Variants in TAPT1 observed in about 807,000 individuals in gnomAD.
TAPT1 encodes transmembrane anterior posterior transformation 1, also known as transmembrane anterior posterior transformation protein 1 homolog.
In TAPT1, 28 loss-of-function variants were observed where a neutral mutation model predicts 65.6. The ratio of observed to expected loss-of-function variants is 0.43; its 90% CI spans 0.32 to 0.59. The LOEUF (loss-of-function observed/expected upper bound fraction) is 0.59, where lower values mean the gene tolerates loss of function less well. Among genes scored for constraint, TAPT1 ranks in the 20% least tolerant of loss-of-function variants. The probability of loss-of-function intolerance (pLI) is 0.09; values close to 1 mark genes in which losing one functional copy is unlikely to be tolerated. For synonymous variants in TAPT1, 278 were observed against 245.2 expected, an observed-to-expected ratio of 1.13 and a Z score of -1.25; for missense variants, 563 against 679.9, an observed-to-expected ratio of 0.83 and a Z score of 1.91.
At chr4:16,210,274 G>C (rs1578473539) in intron 2 of TAPT1, among the ~76,000 whole-genome samples, 1 of 152,192 alleles carries the variant, frequency 6.6e-6, no homozygotes, top group East Asian at 1.9e-4. Context: ...GGTTAGCAAA[G>C]TCGAATTTAG....
At chr4:16,227,214 G>T (rs1422421829), upstream of TAPT1, 1 of 455,536 alleles carries the variant, frequency 2.2e-6, no homozygotes, top group African/African-American at 2.0e-5. Flanking sequence ...GGCCGGACCG[G>T]CAGAGTTTCA....
Position 16,179,639 on chromosome 4 carries a change from G to A in TAPT1, c.935C>T (p.Thr312Ile), listed in dbSNP as rs1167681390. Residue 312 changes from threonine to isoleucine, a missense_variant, in exon 8 of 14, where the codon ACA (threonine) becomes ATA (isoleucine). Physicochemically the swap from Thr to Ile is moderately conservative, Grantham distance 89. Coordinates refer to ENST00000405303, the MANE Select transcript of TAPT1 (RefSeq NM_153365.3). Reference protein sequence around the residue: ...MSNSDIKERFTNYVLLLIVCL... With the variant: ...MSNSDIKERFINYVLLLIVCL... ...CACTATCAGTAAAAGCACATAATTT[G>A]TGAATCGTTCCTTAATATCTAAAAG... 1 of 1,536,446 alleles carries A rather than the reference G, an allele frequency of 6.5e-7. No individual in the cohort carries two copies. Among genetic ancestry groups the A allele is most frequent in the East Asian group, 2.5e-5 (1 of 40,496 alleles).
chr4:16,191,780 G>A (rs1327947406), intron 3 of TAPT1, among the ~76,000 whole-genome samples: 1 of 152,026 alleles, frequency 6.6e-6, no homozygotes, highest in African/African-American at 2.4e-5. Context: ...GAACACAGAG[G>A]GCAGGTATCT....
At chr4:16,166,993 T>C (rs968586675) in intron 12 of TAPT1, 200 bp from the exon 13 acceptor site, 33 of 195,750 alleles carry the variant, frequency 1.7e-4, no homozygotes, top group South Asian at 5.5e-4. Flanking sequence ...TTAGTTCTCT[T>C]TTTTTTTTTT....
chr4:16,200,178 C>T (rs556888931), intron 3 of TAPT1, among the ~76,000 whole-genome samples: 1 of 152,196 alleles, frequency 6.6e-6, no homozygotes, highest in Non-Finnish European at 1.5e-5. Context: ...ATTGTGCCAA[C>T]AGCCACTAAG....
intron 9 of TAPT1, 176 bp from the exon 10 acceptor site, chr4:16,174,905 C>T: frequency 2.0e-6 from 1 of 496,070 alleles, no homozygotes; most frequent in Non-Finnish European, 3.6e-6. Context: ...TAAAATGTAA[C>T]CTCAATTCCA....
chr4:16,186,807 A>G lies in TAPT1; in HGVS notation c.820T>C (p.Leu274=). 6.2e-7 allele frequency: 1 copy of G among 1,609,918 alleles called. No homozygotes were observed. The highest frequency in any genetic ancestry group is 8.5e-7 in the Non-Finnish European group (1 of 1,176,606). Residue 274 remains leucine (L), a synonymous_variant, in exon 6 of 14, where the codon TTG becomes CTG. Transcript: ENST00000405303. The part of the protein sequence containing the change: ...NVAFNSHNKS[L]LTIMMSNNFV... ...TTATTAGACATCATGATAGTAAGCA[A>G]AGACTTGTTGTGTGAGTTAAAAGCT...
chr4:16,202,487 G>C lies in TAPT1; in HGVS notation c.424C>G (p.Leu142Val). The C allele has an allele frequency of 6.4e-7, 1 of 1,550,596 alleles. No homozygotes were observed. The highest frequency in any genetic ancestry group is 8.7e-7 in the Non-Finnish European group (1 of 1,146,064). The stretch of plus-strand genomic sequence containing the variant: ...CTTAAGCCATAGCAAGGCAAAGTGA[G>C]GAGCCTGAATAGTGCCAGGAAAACT... ...LRVFLALFRL[L>V]TLPCYGLRDR... Residue 142 changes from leucine (L) to valine (V), a missense_variant, in exon 3 of 14, where the codon CTC becomes GTC. Leu to Val is a conservative substitution (Grantham distance 32). Transcript: ENST00000405303.
At chr4:16,189,528 C>G (rs1749230175) in intron 4 of TAPT1, among the ~76,000 whole-genome samples, 2 of 152,194 alleles carry the variant, frequency 1.3e-5, no homozygotes, top group African/African-American at 4.8e-5. Flanking sequence ...TATGTGAAGT[C>G]TATTTAATCC....
rs947556536 is a variant in TAPT1 at position 16,213,619 on chromosome 4, C to G, written c.330+149G>C. On this transcript the variant is annotated intron_variant, in intron 2 of 13. Coordinates refer to ENST00000405303, the MANE Select transcript of TAPT1 (RefSeq NM_153365.3). ...TACACTAAAAAATGTAACTTTAAAG[C>G]TTCTTCCTGTAAGGAAATTTCTACT... 40 of 659,956 alleles carry G rather than the reference C, an allele frequency of 6.1e-5. No homozygotes were observed. In the Admixed American group the frequency reaches 1.0e-3, roughly 17 times the overall value. The allele number at this position is 659,956 out of a possible 1,614,324, so 40.9% of individuals were successfully genotyped here.
At position 16,170,741 on chromosome 4, in the gene TAPT1, C is replaced by T; in HGVS notation, c.1237-12G>A. 6.2e-7 allele frequency: 1 copy of T among 1,607,374 alleles called. No individual in the cohort carries two copies. The highest frequency in any genetic ancestry group is 1.1e-5 in the South Asian group (1 of 90,750). ...ACAACTCTGATGAGCTAGCCAGAAA[C>T]AAACCAAAACAACAAAAACACACAA... is the stretch of plus-strand genomic sequence containing the variant. On this transcript the variant is annotated splice_polypyrimidine_tract_variant and intron_variant, in intron 11 of 13. Transcript: ENST00000405303.
chr4:16,169,714 G>T (rs1163712404), intron 12 of TAPT1, among the ~76,000 whole-genome samples: 1 of 152,246 alleles, frequency 6.6e-6, no homozygotes, highest in Non-Finnish European at 1.5e-5. Flanking sequence ...ATACTTGGTG[G>T]AGAGGTGGAA....
chr4:16,226,505 C>T, upstream of TAPT1: 1 of 1,021,234 alleles, frequency 9.8e-7, no homozygotes, highest in Non-Finnish European at 1.2e-6. Flanking sequence ...CAGCCTCTGC[C>T]TCCGGCCGGC....
At chr4:16,180,038 A>G (rs905224159) in intron 7 of TAPT1, among the ~76,000 whole-genome samples, 6 of 152,182 alleles carry the variant, frequency 3.9e-5, no homozygotes, top group Non-Finnish European at 7.3e-5. Flanking sequence ...GAGTAAAATG[A>G]AAGACTTTGG....
intron 3 of TAPT1, among the ~76,000 whole-genome samples, chr4:16,200,472 G>C (rs1357691881): frequency 2.6e-5 from 4 of 152,050 alleles, no homozygotes; most frequent in Non-Finnish European, 5.9e-5. Context: ...CCACAGACAT[G>C]TGCCACCATG....
chr4:16,185,909 C>T (rs1200993174), intron 7 of TAPT1, among the ~76,000 whole-genome samples: 2 of 152,170 alleles, frequency 1.3e-5, no homozygotes, highest in Non-Finnish European at 1.5e-5. Flanking sequence ...GCAAATGTCA[C>T]CATGGCAGAA....
intron 9 of TAPT1, chr4:16,174,962 G>C (rs532113246): frequency 3.9e-4 from 132 of 339,866 alleles, no homozygotes; most frequent in Non-Finnish European, 6.0e-4. Flanking sequence ...TTCTTTAAAG[G>C]GGAATAAATA....
chr4:16,174,454 ATAACT>A, intron 10 of TAPT1, 182 bp from the exon 11 acceptor site: 2 of 682,592 alleles, frequency 2.9e-6, no homozygotes, highest in Non-Finnish European at 4.9e-6. Flanking sequence ...ACAAAGTTGA[ATAACT>A]TAAAATGCTG....
At chr4:16,197,533 A>T (rs1284218946) in intron 3 of TAPT1, among the ~76,000 whole-genome samples, 2 of 152,226 alleles carry the variant, frequency 1.3e-5, no homozygotes, top group Non-Finnish European at 2.9e-5. Flanking sequence ...AATGCCAGGT[A>T]AATCAAATGT....
Sources: allele counts gnomAD v4.1 joint callset (sites outside exome capture counted in the v4.1 genomes callset), GRCh38; gene constraint gnomAD v4.1.1; transcripts MANE v1.5; gene names NCBI Gene and HGNC (gene_info 2026-07-23, HGNC 2026-07-21).